Variants in C1QTNF9B observed in about 807,000 individuals in gnomAD.
C1QTNF9B encodes C1q and TNF related 9B, also known as complement C1q and tumor necrosis factor-related protein 9B.
A neutral mutation model predicts 10.1 loss-of-function variants in C1QTNF9B; 9 were observed. That is an observed-to-expected ratio of 0.89 (90% CI 0.53 to 1.55). The LOEUF (loss-of-function observed/expected upper bound fraction) is 1.55. Among genes scored for constraint, C1QTNF9B ranks in the 40% most tolerant of loss-of-function variants. C1QTNF9B has a pLI of 0.00. For synonymous variants in C1QTNF9B, 79 were observed against 159.9 expected (o/e 0.49, Z 3.82); for missense variants, 196 against 414.4 (o/e 0.47, Z 4.58).
upstream of C1QTNF9B, chr13:23,897,082 G>C (rs1872230952): frequency 1.3e-6 from 2 of 1,547,438 alleles, no homozygotes; most frequent in Non-Finnish European, 1.8e-6. Flanking sequence ...GTTCTGTGCA[G>C]TGGGAAATGG....
chr13:23,892,507 T>G lies in C1QTNF9B; in HGVS notation c.230-446A>C, dbSNP rs189981546. On this transcript the variant is annotated intron_variant, in intron 2 of 2. Coordinates refer to ENST00000382137, the Ensembl canonical transcript of C1QTNF9B. The stretch of plus-strand genomic sequence containing the variant: ...TCATCTCTGCAAAAAGTACAAAAAT[T>G]AACCAGGTGCGGTGGCACACAATTG... Among the ~76,000 whole-genome samples, 4 of 151,728 alleles carry G rather than the reference T, an allele frequency of 2.6e-5. No homozygotes were observed. In the East Asian group the frequency reaches 5.8e-4, roughly 22 times the overall value.
chr13:23,896,236 G>A (rs1329249498), intron 1 of C1QTNF9B, among the ~76,000 whole-genome samples: 1 of 152,206 alleles, frequency 6.6e-6, no homozygotes, highest in Non-Finnish European at 1.5e-5. Flanking sequence ...GTTATGGAAA[G>A]CACTCAGACT....
At chr13:23,897,072 G>GT (rs1872230388), upstream of C1QTNF9B, 23 of 1,566,692 alleles carry the variant, frequency 1.5e-5, no homozygotes, top group South Asian at 2.7e-4. Flanking sequence ...CACAGCCTCC[G>GT]TTCTGTGCAG....
exon 3 of C1QTNF9B, chr13:23,891,168 G>A (rs3814794): frequency 0.22 from 232,316 of 1,033,008 alleles, 36,639 homozygotes; most frequent in East Asian, 0.4. Context: ...TAACTTTTCC[G>A]TTTTCACCTT....
intron 1 of C1QTNF9B, 90 bp downstream of exon 3, chr13:23,896,731 G>T (rs1232007250): frequency 1.3e-6 from 2 of 1,563,424 alleles, no homozygotes; most frequent in Admixed American, 1.8e-5. Context: ...TTGTGAGTGG[G>T]TAGGTGGAAA....
At chr13:23,897,012 A>G (rs767209031), upstream of C1QTNF9B, 2 of 1,613,456 alleles carry the variant, frequency 1.2e-6, no homozygotes. Flanking sequence ...CTGAACTGAA[A>G]GAGGGAAACA....
At chr13:23,897,232 C>T (rs116242566), upstream of C1QTNF9B, 392 of 497,656 alleles carry the variant, frequency 7.9e-4, 2 homozygotes, top group African/African-American at 6.8e-3. Context: ...TCAAGCTGAA[C>T]GGGCAATAAA....
chr13:23,891,667 G>T, exon 3 of C1QTNF9B: 1 of 1,613,852 alleles, frequency 6.2e-7, no homozygotes, highest in Middle Eastern at 1.7e-4. Flanking sequence ...TCAGCACCGT[G>T]AGCCCCACAG....
At chr13:23,897,492 G>A (rs12428004), upstream of C1QTNF9B, 5,291 of 158,270 alleles carry the variant, frequency 0.033, 104 homozygotes, top group Non-Finnish European at 0.048. Flanking sequence ...AGATGTCCAT[G>A]TTCGTAGTTG....
At chr13:23,892,231 G>A (rs1872029218) in intron 2 of C1QTNF9B, 170 bp from the exon 5 acceptor site, 13 of 1,314,696 alleles carry the variant, frequency 9.9e-6, no homozygotes, top group Non-Finnish European at 1.3e-5. Context: ...GCTCACACCT[G>A]TAATCCTAGC....
chr13:23,894,903 C>G (rs1181117495), intron 1 of C1QTNF9B, among the ~76,000 whole-genome samples: 1 of 152,172 alleles, frequency 6.6e-6, no homozygotes, highest in African/African-American at 2.4e-5. Flanking sequence ...CATTGGGCCA[C>G]AGCTCACCCC....
rs772555574 is a variant in C1QTNF9B, at chr13:23,896,810, C to T, written c.166+11G>A. On this transcript the variant is annotated intron_variant, in intron 1 of 2. Transcript: ENST00000382137. The stretch of plus-strand genomic sequence containing the variant: ...GAAGCTCAAAGGCAGCCGAAGCCGT[C>T]AGGTGAGTACCTGCATCGCCTTTGT... 2 of 1,612,584 alleles carry T rather than the reference C, an allele frequency of 1.2e-6. No homozygotes were observed. Among genetic ancestry groups the T allele is most frequent in the East Asian group, 4.5e-5 (2 of 44,850 alleles).
chr13:23,894,840 C>T (rs1375274459), intron 1 of C1QTNF9B, among the ~76,000 whole-genome samples: 6 of 152,152 alleles, frequency 3.9e-5, no homozygotes, highest in African/African-American at 1.4e-4. Flanking sequence ...TCCAGGTCGG[C>T]GTGCTATCCG....
chr13:23,897,167 T>C (rs1872232994), upstream of C1QTNF9B: 3 of 705,756 alleles, frequency 4.3e-6, no homozygotes, highest in African/African-American at 5.3e-5. Context: ...GCAAGCTGGT[T>C]ATTACCAGGA....
chr13:23,893,639 GT>G (rs1666470457), intron 2 of C1QTNF9B, among the ~76,000 whole-genome samples: 1 of 152,050 alleles, frequency 6.6e-6, no homozygotes, highest in South Asian at 2.1e-4. Flanking sequence ...TGCCTGGCTA[GT>G]TTTTTTATTT....
intron 1 of C1QTNF9B, among the ~76,000 whole-genome samples, chr13:23,895,463 TAAGA>T (rs958408976): frequency 6.4e-4 from 97 of 152,122 alleles, no homozygotes; most frequent in Non-Finnish European, 6.8e-4. Flanking sequence ...AATGTCCTTC[TAAGA>T]AAGAATATAT....
chr13:23,897,073 T>C (rs1318492476), upstream of C1QTNF9B: 1 of 1,570,246 alleles, frequency 6.4e-7, no homozygotes, highest in South Asian at 1.2e-5. Context: ...ACAGCCTCCG[T>C]TCTGTGCAGT....
exon 1 of C1QTNF9B, chr13:23,896,959 T>G: frequency 6.2e-7 from 1 of 1,613,802 alleles, no homozygotes; most frequent in Non-Finnish European, 8.5e-7. Flanking sequence ...CAGATTTCAA[T>G]GGCAAGCAGA....
intron 2 of C1QTNF9B, among the ~76,000 whole-genome samples, chr13:23,892,603 C>G (rs1345061162): frequency 1.3e-5 from 2 of 152,120 alleles, no homozygotes; most frequent in African/African-American, 2.4e-5. Context: ...TGCAGTGATC[C>G]GTGATCAAAC....
Sources: allele counts gnomAD v4.1 joint callset (sites outside exome capture counted in the v4.1 genomes callset), GRCh38; gene constraint gnomAD v4.1.1; transcripts MANE v1.5; gene names NCBI Gene and HGNC (gene_info 2026-07-23, HGNC 2026-07-21).